SLC20A2: variants seen among roughly 807,000 people sequenced by gnomAD.
SLC20A2 encodes the protein solute carrier family 20 member 2.
In SLC20A2, 30 loss-of-function variants were observed where a neutral mutation model predicts 61.0. The ratio of observed to expected loss-of-function variants is 0.49; its 90% CI spans 0.37 to 0.67. The LOEUF (loss-of-function observed/expected upper bound fraction) is 0.67. Ranked by LOEUF, SLC20A2 falls within the 30% of genes least tolerant of loss-of-function variation. SLC20A2 has a pLI of 0.00. For synonymous variants in SLC20A2, 351 were observed against 353.3 expected, an observed-to-expected ratio of 0.99 and a Z score of 0.07; for missense variants, 626 against 866.4, an observed-to-expected ratio of 0.72 and a Z score of 3.48.
chr8:42,498,609 C>T (rs76135702), intron 1 of SLC20A2, among the ~76,000 whole-genome samples: 3,625 of 152,166 alleles, frequency 0.024, 151 homozygotes, highest in African/African-American at 0.083. Flanking sequence ...CCCGTATGCC[C>T]GAGAAATCAG....
Position 42,417,166 on chromosome 8 carries a change from T to C in SLC20A2, c.*637A>G, listed in dbSNP as rs941674286. ...TAAGGGAAGCACACCATTAAAAAAT[T>C]ACAGTTTTACGTATTTACAAAAGCA... is the stretch of plus-strand genomic sequence containing the variant. On this transcript the variant is annotated 3_prime_UTR_variant, in exon 11 of 11. Coordinates refer to ENST00000520262, the MANE Select transcript of SLC20A2 (RefSeq NM_001257180.2). 1 of 152,690 alleles carries C rather than the reference T, an allele frequency of 6.5e-6. No individual in the cohort carries two copies. Among genetic ancestry groups the C allele is most frequent in the African/African-American group, 2.4e-5 (1 of 41,438 alleles). The allele number at this position is 152,690 out of a possible 1,614,324, so 9.5% of individuals were successfully genotyped here.
chr8:42,483,826 C>CTA (rs1323072822), intron 1 of SLC20A2, among the ~76,000 whole-genome samples: 3 of 152,166 alleles, frequency 2.0e-5, no homozygotes, highest in Non-Finnish European at 4.4e-5. Flanking sequence ...GTTCCAAGAG[C>CTA]TATATTAGGA....
Position 42,417,618 on chromosome 8 carries a change from G to A in SLC20A2, c.*185C>T, listed in dbSNP as rs987101152. On this transcript the variant is annotated 3_prime_UTR_variant, in exon 11 of 11. Transcript: ENST00000520262. ...TTATGTACAGTAGTTAAGTTAGCTC[G>A]GGAAGGTGAGTCTCCGCAGCCTGGG... 2.4e-5 allele frequency: 13 copies of A among 530,968 alleles called. No homozygotes were observed. Among genetic ancestry groups the A allele is most frequent in the Admixed American group, 6.1e-5 (2 of 32,746 alleles). 32.9% of individuals were successfully genotyped at this position (530,968 alleles called of 1,614,324 possible).
At chr8:42,510,795 G>T (rs1162873378) in intron 1 of SLC20A2, among the ~76,000 whole-genome samples, 1 of 151,644 alleles carries the variant, frequency 6.6e-6, no homozygotes, top group Non-Finnish European at 1.5e-5. Flanking sequence ...TACCTTCTAG[G>T]AATGTTGCAA....
chr8:42,434,870 G>C (rs184716441), intron 8 of SLC20A2, among the ~76,000 whole-genome samples: 232 of 152,248 alleles, frequency 1.5e-3, no homozygotes, highest in African/African-American at 5.4e-3. Context: ...GTGTGTGAAT[G>C]TGCGTGAGTC....
chr8:42,453,290 T>G (rs76805007), intron 5 of SLC20A2, among the ~76,000 whole-genome samples: 1 of 152,218 alleles, frequency 6.6e-6, no homozygotes, highest in Admixed American at 6.5e-5. Context: ...TTTTATTTCC[T>G]AAAGTTATTT....
intron 7 of SLC20A2, 82 bp downstream of exon 7, chr8:42,439,368 G>A: frequency 4.5e-6 from 6 of 1,326,074 alleles, no homozygotes; most frequent in Non-Finnish European, 6.3e-6. Flanking sequence ...AAACCAGATT[G>A]CCCACACCCA....
chr8:42,456,751 A>C (rs4395886), intron 5 of SLC20A2, among the ~76,000 whole-genome samples: 118,355 of 127,742 alleles, frequency 0.93, 55,105 homozygotes, highest in Admixed American at 0.95. Flanking sequence ...AAAAAAAAAA[A>C]AAAACAAGGA....
chr8:42,458,998 C>T (rs1433083627), intron 5 of SLC20A2, among the ~76,000 whole-genome samples: 2 of 138,372 alleles, frequency 1.4e-5, no homozygotes, highest in Non-Finnish European at 3.1e-5. Flanking sequence ...AGCGGCCAGG[C>T]GCAGTGGCTC....
chr8:42,430,057 G>A lies in SLC20A2; in HGVS notation c.1709+7C>T. On this transcript the variant is annotated splice_region_variant and intron_variant, in intron 9 of 10. Coordinates refer to ENST00000520262, the MANE Select transcript of SLC20A2 (RefSeq NM_001257180.2). Reference sequence around the variant, plus strand: ...CCTGCCCTGCTCGTCCACCAGCCCAGGCTTACCTGGACGGCGTGATGGGAG... The same window carrying A: ...CCTGCCCTGCTCGTCCACCAGCCCAAGCTTACCTGGACGGCGTGATGGGAG... The A allele has an allele frequency of 6.2e-7, 1 of 1,605,398 alleles. No individual in the cohort carries two copies. Among genetic ancestry groups the A allele is most frequent in the Non-Finnish European group, 8.5e-7 (1 of 1,176,510 alleles).
chr8:42,488,730 T>G (rs1809252493), intron 1 of SLC20A2, among the ~76,000 whole-genome samples: 1 of 152,142 alleles, frequency 6.6e-6, no homozygotes, highest in African/African-American at 2.4e-5. Context: ...TTTTATATTT[T>G]TATATGATAG....
intron 2 of SLC20A2, among the ~76,000 whole-genome samples, chr8:42,467,096 T>C (rs980965337): frequency 1.2e-4 from 18 of 152,266 alleles, no homozygotes; most frequent in African/African-American, 4.1e-4. Flanking sequence ...GCTCACTGGA[T>C]GCAGTGAGCC....
intron 1 of SLC20A2, among the ~76,000 whole-genome samples, chr8:42,493,944 C>G (rs1256242777): frequency 1.3e-5 from 2 of 152,152 alleles, no homozygotes; most frequent in Non-Finnish European, 2.9e-5. Flanking sequence ...GAGTTCAAGA[C>G]CAGCCTGGGT....
intron 1 of SLC20A2, among the ~76,000 whole-genome samples, chr8:42,500,282 A>C (rs1810237504): frequency 6.6e-6 from 1 of 152,248 alleles, no homozygotes; most frequent in Non-Finnish European, 1.5e-5. Flanking sequence ...CACACTTCTA[A>C]ATAAGCAAGA....
In SLC20A2 at chr8:42,459,235, CAAAAAAAAAA is replaced by C. The variant is rs756966778; in HGVS notation, c.613+651_613+660del. ...TGGGTGAGAGAGTGAGACTCTATCT[CAAAAAAAAAA>C]AAAAAAAAAAAAAACATAAAAAATA... On this transcript the variant is annotated intron_variant, in intron 5 of 10. Transcript: ENST00000520262. 9.9e-3 allele frequency among the ~76,000 whole-genome samples: 357 copies of C among 36,102 alleles called. 6 individuals are homozygous for C. The highest frequency in any genetic ancestry group is 0.023 in the African/African-American group (343 of 15,042). 23.7% of individuals were successfully genotyped at this position (36,102 alleles called of 152,430 possible). A position where few individuals can be genotyped will look rare whatever the true frequency, so the allele number is the denominator to read the frequency against.
At chr8:42,463,521 T>C (rs1806872857) in intron 3 of SLC20A2, 1 of 153,052 alleles carries the variant, frequency 6.5e-6, no homozygotes, top group Non-Finnish European at 1.5e-5. Flanking sequence ...GGTACTTTCA[T>C]TCCTGCCATC....
intron 1 of SLC20A2, among the ~76,000 whole-genome samples, chr8:42,506,672 C>T (rs999161367): frequency 2.0e-5 from 3 of 152,202 alleles, no homozygotes; most frequent in Non-Finnish European, 4.4e-5. Flanking sequence ...TCTGTAGCTG[C>T]GCCAGCCTGT....
chr8:42,459,357 T>G (rs763824297), intron 5 of SLC20A2, among the ~76,000 whole-genome samples: 5 of 151,506 alleles, frequency 3.3e-5, no homozygotes, highest in Non-Finnish European at 7.4e-5. Flanking sequence ...AAACAAAGCA[T>G]GGCTTCTAGT....
chr8:42,456,890 A>G (rs1346018253), intron 5 of SLC20A2, among the ~76,000 whole-genome samples: 1 of 151,728 alleles, frequency 6.6e-6, no homozygotes, highest in East Asian at 1.9e-4. Context: ...TTTGGAACTG[A>G]TTTTTCTCTG....
Sources: gnomAD v4.1 joint callset for allele counts (sites outside exome capture counted in the v4.1 genomes callset) on GRCh38, gnomAD v4.1.1 for gene constraint, MANE v1.5 for transcripts, NCBI Gene and HGNC (gene_info 2026-07-23, HGNC 2026-07-21) for gene names.